Variants in WWP2 observed in about 807,000 individuals in gnomAD.
WWP2 encodes the protein NEDD4-like E3 ubiquitin-protein ligase WWP2.
A neutral mutation model predicts 121.0 loss-of-function variants in WWP2; 57 were observed. The ratio of observed to expected loss-of-function variants is 0.47; its 90% CI spans 0.38 to 0.59. The LOEUF (loss-of-function observed/expected upper bound fraction) is 0.59, where lower values mean the gene tolerates loss of function less well. Ranked by LOEUF, WWP2 falls within the 20% of genes least tolerant of loss-of-function variation. WWP2 has a pLI of 0.00. For missense variants in WWP2, 962 were observed against 1,158.9 expected, an observed-to-expected ratio of 0.83 and a Z score of 2.47; for synonymous variants, 449 against 441.3, an observed-to-expected ratio of 1.02 and a Z score of -0.22.
At chr16:69,787,277 T>C (rs1490250016) in intron 2 of WWP2, among the ~76,000 whole-genome samples, 197 bp downstream of exon 2, 1 of 152,218 alleles carries the variant, frequency 6.6e-6, no homozygotes, top group Admixed American at 6.6e-5. Context: ...TAGGGAACTT[T>C]TAGCTAAAAT....
intron 7 of WWP2, among the ~76,000 whole-genome samples, chr16:69,875,163 A>AT (rs2057714026): frequency 6.6e-6 from 1 of 152,232 alleles, no homozygotes; most frequent in Non-Finnish European, 1.5e-5. Flanking sequence ...AGTCACATGA[A>AT]TTTTTTGGTT....
At chr16:69,918,484 G>T (rs115456210) in intron 10 of WWP2, among the ~76,000 whole-genome samples, 2,427 of 152,274 alleles carry the variant, frequency 0.016, 80 homozygotes, top group African/African-American at 0.055. Flanking sequence ...CATATTAATG[G>T]TGGCTGCTTT....
intron 8 of WWP2, among the ~76,000 whole-genome samples, chr16:69,899,269 G>A (rs141119607): frequency 6.6e-6 from 1 of 152,168 alleles, no homozygotes; most frequent in African/African-American, 2.4e-5. Flanking sequence ...TAGCACTTTG[G>A]GAGGCTTAGG....
chr16:69,854,554 A>C (rs1033215291), intron 6 of WWP2, among the ~76,000 whole-genome samples: 7 of 143,628 alleles, frequency 4.9e-5, no homozygotes, highest in African/African-American at 1.8e-4. Context: ...TTTTTTTTTA[A>C]GTTTATTTAT....
At chr16:69,763,011 A>AT (rs2151760183) in intron 1 of WWP2, among the ~76,000 whole-genome samples, 1 of 151,992 alleles carries the variant, frequency 6.6e-6, no homozygotes, top group East Asian at 1.9e-4. Context: ...CCTTCAGCTC[A>AT]TTTTTCTTTG....
Position 69,939,828 on chromosome 16 carries a change from C to G in WWP2, c.2514-13C>G. 1 of 1,611,102 alleles carries G rather than the reference C, an allele frequency of 6.2e-7. No individual in the cohort carries two copies. Among genetic ancestry groups the G allele is most frequent in the Non-Finnish European group, 8.5e-7 (1 of 1,178,654 alleles). ...TCCTAGGGCTGACTGTCGTGCTTCC[C>G]CACTCTCAATAGCTTCAACCGTCTG... On this transcript the variant is annotated splice_polypyrimidine_tract_variant and intron_variant, in intron 23 of 23. Coordinates refer to ENST00000359154, the MANE Select transcript of WWP2 (RefSeq NM_001270454.2).
chr16:69,915,563 G>A (rs1306959978), intron 9 of WWP2, among the ~76,000 whole-genome samples: 4 of 152,096 alleles, frequency 2.6e-5, no homozygotes, highest in Admixed American at 2.6e-4. Flanking sequence ...TTAAAGAAAA[G>A]ACAAAAAGCA....
At chr16:69,806,275 G>A (rs989641310) in intron 4 of WWP2, among the ~76,000 whole-genome samples, 1 of 152,160 alleles carries the variant, frequency 6.6e-6, no homozygotes, top group African/African-American at 2.4e-5. Flanking sequence ...AATATACCTA[G>A]TTGCTCAAGA....
At chr16:69,850,700 A>C (rs1440946140) in intron 6 of WWP2, among the ~76,000 whole-genome samples, 1 of 152,208 alleles carries the variant, frequency 6.6e-6, no homozygotes, top group Non-Finnish European at 1.5e-5. Flanking sequence ...TATTTGAGGA[A>C]ATAAAAGTCA....
At chr16:69,837,215 G>A (rs1022454394) in intron 4 of WWP2, among the ~76,000 whole-genome samples, 1 of 152,174 alleles carries the variant, frequency 6.6e-6, no homozygotes, top group Non-Finnish European at 1.5e-5. Context: ...ATGAGCCACT[G>A]AGCCTGGCTG....
At chr16:69,910,386 T>C (rs984373891) in intron 9 of WWP2, 1 of 982,792 alleles carries the variant, frequency 1.0e-6, no homozygotes, top group Non-Finnish European at 1.2e-6. Flanking sequence ...ATGTGCACTT[T>C]AAAACAGCAG....
intron 8 of WWP2, among the ~76,000 whole-genome samples, chr16:69,894,356 C>G (rs1194243741): frequency 6.6e-6 from 1 of 152,066 alleles, no homozygotes; most frequent in African/African-American, 2.4e-5. Flanking sequence ...GCTGGGATTC[C>G]AGGCATGAGC....
intron 7 of WWP2, among the ~76,000 whole-genome samples, chr16:69,873,659 C>G (rs779714706): frequency 1.3e-5 from 2 of 152,190 alleles, no homozygotes; most frequent in African/African-American, 2.4e-5. Flanking sequence ...GAGCATTTTT[C>G]TCTTAGAAAA....
intron 6 of WWP2, among the ~76,000 whole-genome samples, chr16:69,849,297 G>A (rs1169001281): frequency 1.3e-5 from 2 of 152,120 alleles, no homozygotes; most frequent in Non-Finnish European, 2.9e-5. Context: ...GTTGGCTGGC[G>A]GTTGCCACCC....
rs553752749 is a variant in WWP2 at position 69,858,066 on chromosome 16, G to A, written c.576-13738G>A. The stretch of plus-strand genomic sequence containing the variant: ...TTTTGTAGTGGAGAATGGGAGATTA[G>A]GGCCCGGTTGGTTTTGTTCCTTTTC... On this transcript the variant is annotated intron_variant, in intron 6 of 23. Coordinates refer to ENST00000359154, the MANE Select transcript of WWP2 (RefSeq NM_001270454.2). 6.6e-5 allele frequency among the ~76,000 whole-genome samples: 10 copies of A among 152,182 alleles called. No homozygotes were observed. In the South Asian group the frequency reaches 2.1e-3, roughly 32 times the overall value.
At chr16:69,919,580 T>C (rs2058527972) in intron 10 of WWP2, among the ~76,000 whole-genome samples, 1 of 152,036 alleles carries the variant, frequency 6.6e-6, no homozygotes, top group South Asian at 2.1e-4. Context: ...CCTGCTGGAG[T>C]CTCCATCCCA....
intron 11 of WWP2, 37 bp from the exon 12 acceptor site, chr16:69,929,411 T>C (rs550345883): frequency 1.0e-5 from 16 of 1,597,302 alleles, no homozygotes; most frequent in Non-Finnish European, 1.4e-5. Context: ...CTCTCCGTGT[T>C]TGAATCTGAT....
chr16:69,790,987 G>A (rs969810545), intron 2 of WWP2, among the ~76,000 whole-genome samples: 4 of 152,078 alleles, frequency 2.6e-5, no homozygotes, highest in Non-Finnish European at 5.9e-5. Flanking sequence ...TTGTAGTCTT[G>A]AAATATTTTA....
intron 10 of WWP2, among the ~76,000 whole-genome samples, chr16:69,919,655 C>T (rs145217171): frequency 0.022 from 3,353 of 152,254 alleles, 63 homozygotes; most frequent in Non-Finnish European, 0.029. Context: ...GGTAGGGAGA[C>T]GTGGGACTCC....
Sources: gnomAD v4.1 joint callset for allele counts (sites outside exome capture counted in the v4.1 genomes callset) on GRCh38, gnomAD v4.1.1 for gene constraint, MANE v1.5 for transcripts, NCBI Gene and HGNC (gene_info 2026-07-23, HGNC 2026-07-21) for gene names.